ARSH: variants seen among roughly 807,000 people sequenced by gnomAD.
ARSH encodes arylsulfatase H.
A neutral mutation model predicts 28.7 loss-of-function variants in ARSH; 32 were observed. The ratio of observed to expected loss-of-function variants is 1.11; its 90% CI spans 0.84 to 1.50. The LOEUF (loss-of-function observed/expected upper bound fraction) is 1.50. Ranked by LOEUF, ARSH falls within the 40% of genes most tolerant of loss-of-function variation. The pLI is 0.00. For missense variants in ARSH, 440 were observed against 452.4 expected, an observed-to-expected ratio of 0.97 and a Z score of 0.25; for synonymous variants, 176 against 177.3, an observed-to-expected ratio of 0.99 and a Z score of 0.06.
rs186547206 is a variant in ARSH, at chrX:3,029,599, C to T, written c.1321+231C>T. 1.5e-3 allele frequency among the ~76,000 whole-genome samples: 172 copies of T among 111,808 alleles called. 3 individuals are homozygous for T. Among genetic ancestry groups the T allele is most frequent in the Non-Finnish European group, 5.3e-4 (28 of 53,198 alleles). On this transcript the variant is annotated intron_variant, in intron 8 of 8. Transcript: ENST00000381130. ...AGGTTGGAGTACAGTGGCGCAATCT[C>T]GGCTCACCACAACCTCCACCTCCCA...
In ARSH at chrX:3,023,979, G is replaced by A. The variant is rs774472754; in HGVS notation, c.902-42G>A. Reference sequence around the variant, plus strand: ...ATATGTAATAAAGCAGTGGTGATCTGCATCAAGAGGTCAACGTCTTTGTGT... The same window carrying A: ...ATATGTAATAAAGCAGTGGTGATCTACATCAAGAGGTCAACGTCTTTGTGT... On this transcript the variant is annotated intron_variant, in intron 5 of 8. Coordinates refer to ENST00000381130, the MANE Select transcript of ARSH (RefSeq NM_001011719.2). 3.3e-6 allele frequency: 4 copies of A among 1,204,072 alleles called. No homozygotes were observed. In the South Asian group the frequency reaches 7.1e-5, roughly 21 times the overall value.
At chrX:3,016,442 G>A (rs1190946904) in intron 4 of ARSH, among the ~76,000 whole-genome samples, 2 of 111,495 alleles carry the variant, frequency 1.8e-5, no homozygotes, top group Non-Finnish European at 3.8e-5. Flanking sequence ...AGAGCTCTCT[G>A]TCCATAAACT....
intron 2 of ARSH, among the ~76,000 whole-genome samples, chrX:3,012,569 ATATATATATAT>A (rs1315069689): frequency 5.5e-5 from 1 of 18,298 alleles, no homozygotes; most frequent in African/African-American, 3.1e-4. Flanking sequence ...AAAAAAAAAA[ATATATATATAT>A]ATATATATAT....
chrX:3,006,604 G>A lies in ARSH; in HGVS notation c.-9G>A. The A allele has an allele frequency of 1.7e-6, 2 of 1,205,020 alleles. No individual in the cohort carries two copies. The highest frequency in any genetic ancestry group is 3.5e-5 in the African/African-American group (2 of 56,971). On this transcript the variant is annotated 5_prime_UTR_variant, in exon 1 of 9. The change abolishes an upstream ATG in the 5' untranslated region. Coordinates refer to ENST00000381130, the MANE Select transcript of ARSH (RefSeq NM_001011719.2). ...GTGCTGTTTGTTTTGCGGTGTTGAT[G>A]GCACATTTATGACAAGAAACGCCAG...
chrX:3,033,425 T>C lies in ARSH; in HGVS notation c.*40T>C. The C allele has an allele frequency of 8.7e-7, 1 of 1,153,779 alleles. No individual in the cohort carries two copies. Among genetic ancestry groups the C allele is most frequent in the Non-Finnish European group, 1.2e-6 (1 of 862,586 alleles). ...CGTGTTACCCACCACAAACTTACTGTTACAATGGTCATAGGAGCAGAGCTC... is the reference window on the plus strand; with the variant it reads ...CGTGTTACCCACCACAAACTTACTGCTACAATGGTCATAGGAGCAGAGCTC... On this transcript the variant is annotated 3_prime_UTR_variant, in exon 9 of 9. Coordinates refer to ENST00000381130, the MANE Select transcript of ARSH (RefSeq NM_001011719.2).
At chrX:3,029,155 C>T in intron 7 of ARSH, 92 bp from the exon 8 acceptor site, 2 of 942,080 alleles carry the variant, frequency 2.1e-6, no homozygotes, top group Non-Finnish European at 2.8e-6. Context: ...CCTTTTCCTC[C>T]TCCTCCTCCT....
At chrX:3,019,437 A>G (rs896419616) in intron 5 of ARSH, among the ~76,000 whole-genome samples, 2 of 111,525 alleles carry the variant, frequency 1.8e-5, no homozygotes, top group African/African-American at 6.5e-5. Flanking sequence ...TTCACTATAA[A>G]GAAATGCTAA....
chrX:3,018,548 C>A lies in ARSH; in HGVS notation c.779C>A (p.Pro260His), dbSNP rs781634606. 5 of 1,208,319 alleles carry A rather than the reference C, an allele frequency of 4.1e-6. No homozygotes were observed. The highest frequency in any genetic ancestry group is 2.2e-5 in the Admixed American group (1 of 45,537). ...CTACCCCTTAGGTACAAAAGGGAACCTTTTCTCCTCTTTTTTTCCTTCCTG... is the reference window on the plus strand; with the variant it reads ...CTACCCCTTAGGTACAAAAGGGAACATTTTCTCCTCTTTTTTTCCTTCCTG... ...LAFIERYKRE[P>H]FLLFFSFLHV... The change falls in exon 5 of 9, where the codon CCT becomes CAT. Residue 260 changes from proline (P) to histidine (H), a missense_variant. Coordinates refer to ENST00000381130, the MANE Select transcript of ARSH (RefSeq NM_001011719.2).
chrX:3,015,776 A>G (rs1039424298), intron 4 of ARSH, among the ~76,000 whole-genome samples: 2 of 110,207 alleles, frequency 1.8e-5, no homozygotes, highest in African/African-American at 6.6e-5. Flanking sequence ...TGAGTGCAAT[A>G]GACCCACGTA....
chrX:3,015,348 A>T lies in ARSH; in HGVS notation c.719A>T (p.Lys240Ile). The change falls in exon 4 of 9, where the codon AAA becomes ATA. Residue 240 changes from lysine (K) to isoleucine (I), a missense_variant. By Grantham distance (102) the Lys-to-Ile change is moderately radical. Transcript: ENST00000381130. Reference protein sequence around the residue: ...EIIQQPMKEEKVASLMLKEAL... With the variant: ...EIIQQPMKEEIVASLMLKEAL... ...ATCCAGCAGCCAATGAAAGAGGAGA[A>T]AGTAGCTTCCCTCATGCTGAAGGAG... 8.3e-7 allele frequency: 1 copy of T among 1,211,898 alleles called. No individual in the cohort carries two copies.
Position 3,032,401 on chromosome X carries a change from AAAGGAAGGAAGGAAAGGAAGG to A in ARSH, c.1322-604_1322-584del, listed in dbSNP as rs1460649683. Among the ~76,000 whole-genome samples the A allele has an allele frequency of 2.2e-3, 180 of 81,892 alleles. 2 individuals are homozygous for A. Among genetic ancestry groups the A allele is most frequent in the African/African-American group, 8.3e-3 (168 of 20,185 alleles). 71.1% of individuals were successfully genotyped at this position (81,892 alleles called of 115,157 possible). A position where few individuals can be genotyped will look rare whatever the true frequency, so the allele number is the denominator to read the frequency against. On this transcript the variant is annotated intron_variant, in intron 8 of 8. Coordinates refer to ENST00000381130, the MANE Select transcript of ARSH (RefSeq NM_001011719.2). Reference sequence around the variant, plus strand: ...AAAGGAAGGGAGGGAGGGAGGAAGGAAAGGAAGGAAGGAAAGGAAGGAAGGAAGGAAGGGGAAGGGAAGGGA... The same window carrying A: ...AAAGGAAGGGAGGGAGGGAGGAAGGAAAGGAAGGAAGGGGAAGGGAAGGGA...
intron 6 of ARSH, among the ~76,000 whole-genome samples, chrX:3,024,421 C>T (rs772010741): frequency 1.8e-5 from 2 of 110,887 alleles, no homozygotes; most frequent in South Asian, 4.0e-4. Flanking sequence ...AGCCTCCGCA[C>T]GATTGACATT....
At chrX:3,012,653 A>C (rs2089854203) in intron 2 of ARSH, among the ~76,000 whole-genome samples, 1 of 88,652 alleles carries the variant, frequency 1.1e-5, no homozygotes, top group Non-Finnish European at 2.1e-5. Context: ...AGAAATTGTC[A>C]CTCCTACACT....
chrX:3,029,384 G>A lies in ARSH; in HGVS notation c.1321+16G>A, dbSNP rs1357116166. ...CAGAAGGACTGTAAGTATGAAGGCT[G>A]TGGACACGTGGAAAGACGATAAGGG... On this transcript the variant is annotated intron_variant, in intron 8 of 8. Coordinates refer to ENST00000381130, the MANE Select transcript of ARSH (RefSeq NM_001011719.2). The A allele has an allele frequency of 2.5e-6, 3 of 1,199,283 alleles. No homozygotes were observed. The highest frequency in any genetic ancestry group is 1.7e-5 in the African/African-American group (1 of 57,719).
chrX:3,008,490 T>TTTCTTTCTTTCTTTCTTTCTTTCTTCCC (rs2147450948), intron 1 of ARSH, among the ~76,000 whole-genome samples: 1 of 103,465 alleles, frequency 9.7e-6, no homozygotes, highest in East Asian at 3.0e-4. Flanking sequence ...TCTTTCTTTC[T>TTTCTTTCTTTCTTTCTTTCTTTCTTCCC]TTCTTTCTTT....
At chrX:3,007,821 G>C (rs1449490841) in intron 1 of ARSH, among the ~76,000 whole-genome samples, 1 of 110,743 alleles carries the variant, frequency 9.0e-6, no homozygotes, top group Admixed American at 9.6e-5. Context: ...GGTTCCTCCT[G>C]AGGCCTCTCT....
chrX:3,008,365 T>C (rs1212618710), intron 1 of ARSH, among the ~76,000 whole-genome samples: 1 of 111,699 alleles, frequency 9.0e-6, no homozygotes, highest in African/African-American at 3.2e-5. Context: ...TAACATTGTT[T>C]CTTCTTGGAA....
At position 3,014,920 on chromosome X, in the gene ARSH, G is replaced by A. The variant is rs188999253; in HGVS notation, c.341-50G>A. The A allele has an allele frequency of 5.0e-4, 553 of 1,104,065 alleles. No individual in the cohort carries two copies. The African/African-American group carries it at 9.0e-3, about 18-fold the overall frequency. The allele number at this position is 1,104,065 out of a possible 1,213,427, so 91.0% of individuals were successfully genotyped here. On this transcript the variant is annotated intron_variant, in intron 3 of 8. Transcript: ENST00000381130. ...GAAGCCCACATTCTAGAAACAGACC[G>A]GCATTGAATGCTGCCATGCTGCCAT... is the stretch of plus-strand genomic sequence containing the variant.
intron 1 of ARSH, among the ~76,000 whole-genome samples, chrX:3,007,361 C>T (rs2089830935): frequency 9.1e-6 from 1 of 109,804 alleles, no homozygotes; most frequent in Non-Finnish European, 1.9e-5. Flanking sequence ...CCCCCATTTC[C>T]CATCCTATCC....
Sources: gnomAD v4.1 joint callset for allele counts (sites outside exome capture counted in the v4.1 genomes callset) on GRCh38, gnomAD v4.1.1 for gene constraint, MANE v1.5 for transcripts, NCBI Gene and HGNC (gene_info 2026-07-23, HGNC 2026-07-21) for gene names.